CCDC201: variants seen among roughly 807,000 people sequenced by gnomAD.
CCDC201 encodes coiled-coil domain-containing protein 201.
chr7:45,875,542 G>A (rs1786791597), upstream of CCDC201, among the ~76,000 whole-genome samples: 1 of 152,090 alleles, frequency 6.6e-6, no homozygotes, highest in Admixed American at 6.5e-5. Context: ...ACATCCAGAT[G>A]GCAGGATGGT....
chr7:45,868,252 C>T (rs1484748282), intron 1 of CCDC201, among the ~76,000 whole-genome samples: 1 of 152,122 alleles, frequency 6.6e-6, no homozygotes, highest in Non-Finnish European at 1.5e-5. Context: ...TTTATTTCTG[C>T]CTGGCCTCTC....
At chr7:45,876,710 G>A (rs1786812659), upstream of CCDC201, among the ~76,000 whole-genome samples, 1 of 152,240 alleles carries the variant, frequency 6.6e-6, no homozygotes. Flanking sequence ...CCACACAGTG[G>A]TGTTAGCCTG....
chr7:45,882,616 G>A, the CCDC201 span, among the ~76,000 whole-genome samples: 2 of 152,198 alleles, frequency 1.3e-5, no homozygotes, highest in African/African-American at 4.8e-5. Flanking sequence ...GTGTTCTGAA[G>A]TGCCATCAAA....
intron 1 of CCDC201, among the ~76,000 whole-genome samples, chr7:45,872,340 C>T (rs757947496): frequency 1.8e-4 from 28 of 152,314 alleles, no homozygotes; most frequent in Middle Eastern, 3.4e-3. Context: ...CTGTATGCAA[C>T]GCAGGGTGCT....
the CCDC201 span, among the ~76,000 whole-genome samples, chr7:45,884,640 T>C: frequency 6.6e-6 from 1 of 152,014 alleles, no homozygotes; most frequent in African/African-American, 2.4e-5. Flanking sequence ...CCCACCATCA[T>C]CTCTATTCTC....
intron 1 of CCDC201, among the ~76,000 whole-genome samples, chr7:45,870,935 TGAGAA>T (rs1786735999): frequency 6.6e-6 from 1 of 152,104 alleles, no homozygotes; most frequent in Admixed American, 6.5e-5. Flanking sequence ...GAAATGGGGG[TGAGAA>T]GACAGACTGG....
chr7:45,861,035 C>G (rs1215822125), exon 3 of CCDC201: 2 of 152,202 alleles, frequency 1.3e-5, no homozygotes, highest in Non-Finnish European at 2.9e-5. Flanking sequence ...CCCAATCTTT[C>G]AAGGACACAC....
At chr7:45,880,935 G>T in the CCDC201 span, among the ~76,000 whole-genome samples, 1 of 152,124 alleles carries the variant, frequency 6.6e-6, no homozygotes, top group Admixed American at 6.5e-5. Context: ...GCACATTGAG[G>T]TTTCTTGCTG....
intron 2 of CCDC201, among the ~76,000 whole-genome samples, chr7:45,864,717 G>C (rs541695458): frequency 1.3e-5 from 2 of 152,124 alleles, no homozygotes; most frequent in Non-Finnish European, 2.9e-5. Context: ...AGAACATGAG[G>C]GAGTGTGGCA....
intron 2 of CCDC201, among the ~76,000 whole-genome samples, chr7:45,863,789 T>A (rs575690225): frequency 1.3e-5 from 2 of 152,064 alleles, no homozygotes; most frequent in South Asian, 4.2e-4. Flanking sequence ...CAGTGGTCAG[T>A]GTCTTCCTAA....
At chr7:45,860,499 C>T (rs1786586071) in exon 3 of CCDC201, 1 of 152,176 alleles carries the variant, frequency 6.6e-6, no homozygotes, top group Non-Finnish European at 1.5e-5. Context: ...ATAATTGCTG[C>T]AAGTTACATT....
the CCDC201 span, among the ~76,000 whole-genome samples, chr7:45,884,786 A>G: frequency 6.6e-6 from 1 of 152,098 alleles, no homozygotes; most frequent in African/African-American, 2.4e-5. Context: ...ACTTATCCTA[A>G]GGGTCAGGTT....
At chr7:45,875,420 G>A (rs1188022980), upstream of CCDC201, among the ~76,000 whole-genome samples, 6 of 146,628 alleles carry the variant, frequency 4.1e-5, no homozygotes, top group East Asian at 8.0e-4. Flanking sequence ...GCTTGAACCC[G>A]GGAGGAGGAG....
the CCDC201 span, among the ~76,000 whole-genome samples, chr7:45,882,252 C>A: frequency 6.6e-6 from 1 of 152,134 alleles, no homozygotes; most frequent in South Asian, 2.1e-4. Context: ...ATGATGGAAG[C>A]ACCCGTGTGA....
the CCDC201 span, among the ~76,000 whole-genome samples, chr7:45,884,861 A>C: frequency 6.6e-6 from 1 of 152,114 alleles, no homozygotes; most frequent in African/African-American, 2.4e-5. Context: ...GGCTCAGTGT[A>C]GGGCATCCCA....
intron 1 of CCDC201, among the ~76,000 whole-genome samples, chr7:45,869,291 T>G (rs1229702344): frequency 6.6e-6 from 1 of 152,218 alleles, no homozygotes; most frequent in Non-Finnish European, 1.5e-5. Flanking sequence ...CATTGATTTC[T>G]TATGCATTCT....
chr7:45,883,722 C>G, the CCDC201 span, among the ~76,000 whole-genome samples: 26 of 152,194 alleles, frequency 1.7e-4, no homozygotes, highest in Non-Finnish European at 1.5e-5. Flanking sequence ...AAGCATCATT[C>G]CATACTCCCC....
At chr7:45,881,442 G>C in the CCDC201 span, among the ~76,000 whole-genome samples, 1 of 152,206 alleles carries the variant, frequency 6.6e-6, no homozygotes, top group Non-Finnish European at 1.5e-5. Flanking sequence ...ATTCTCCTAG[G>C]CGGCTTGCCT....
upstream of CCDC201, among the ~76,000 whole-genome samples, chr7:45,874,962 GAGTGTTATCTTTAAAAGCCCAAGT>G (rs1279698897): frequency 6.6e-6 from 1 of 152,196 alleles, no homozygotes; most frequent in Non-Finnish European, 1.5e-5. Flanking sequence ...GGTAGCCATG[GAGTGTTATCTTTAAAAGCCCAAGT>G]AGATGCAGTG....
Sources: allele counts gnomAD v4.1 joint callset (sites outside exome capture counted in the v4.1 genomes callset), GRCh38; gene constraint gnomAD v4.1.1; transcripts MANE v1.5; gene names NCBI Gene and HGNC (gene_info 2026-07-23, HGNC 2026-07-21).